DOK6: variants seen among roughly 807,000 people sequenced by gnomAD.
DOK6 encodes downstream of tyrosine kinase 6.
A neutral mutation model predicts 44.0 loss-of-function variants in DOK6; 22 were observed. That is an observed-to-expected ratio of 0.50 (90% confidence interval 0.36 to 0.71). The LOEUF (loss-of-function observed/expected upper bound fraction) is 0.71, where lower values mean the gene tolerates loss of function less well. DOK6 is among the 30% of genes least tolerant of loss of function. DOK6 has a pLI of 0.00. For synonymous variants in DOK6, 166 were observed against 145.5 expected, an observed-to-expected ratio of 1.14 and a Z score of -1.01; for missense variants, 340 against 416.4, an observed-to-expected ratio of 0.82 and a Z score of 1.60.
intron 1 of DOK6, among the ~76,000 whole-genome samples, chr18:69,419,591 G>A (rs1978428302): frequency 6.6e-6 from 1 of 152,146 alleles, no homozygotes; most frequent in Admixed American, 6.6e-5. Context: ...GTTAGAATCT[G>A]TAATGTATCT....
intron 7 of DOK6, among the ~76,000 whole-genome samples, chr18:69,761,604 T>C (rs1275741698): frequency 6.6e-6 from 1 of 152,124 alleles, no homozygotes; most frequent in Non-Finnish European, 1.5e-5. Flanking sequence ...CTTGGCTCCT[T>C]GCTACCCGTC....
intron 5 of DOK6, among the ~76,000 whole-genome samples, chr18:69,707,322 T>A (rs1455200486): frequency 6.6e-6 from 1 of 152,158 alleles, no homozygotes; most frequent in African/African-American, 2.4e-5. Flanking sequence ...CTTCACAGAA[T>A]TGGAAAAAAC....
rs147024777 is a variant in DOK6, at chr18:69,522,208, C to CCA, written c.67-42265_67-42264dup. ...CAGTATATTGTTGGTTCAAAACAAACCACACACACACACACCCACACACAT... is the reference window on the plus strand; with the variant it reads ...CAGTATATTGTTGGTTCAAAACAAACCACACACACACACACACCCACACACAT... On this transcript the variant is annotated intron_variant, in intron 1 of 7. Transcript: ENST00000382713. Among the ~76,000 whole-genome samples, 56 of 150,530 alleles carry CCA rather than the reference C, an allele frequency of 3.7e-4. 1 individual carries two copies. The highest frequency in any genetic ancestry group is 2.6e-3 in the Admixed American group (39 of 15,052).
At chr18:69,513,954 C>T (rs1313423635) in intron 1 of DOK6, among the ~76,000 whole-genome samples, 1 of 151,994 alleles carries the variant, frequency 6.6e-6, no homozygotes, top group Non-Finnish European at 1.5e-5. Context: ...GTTTAAAATA[C>T]ATATTACCTC....
At chr18:69,578,432 AT>A (rs576333308) in intron 2 of DOK6, among the ~76,000 whole-genome samples, 85 of 152,322 alleles carry the variant, frequency 5.6e-4, no homozygotes, top group African/African-American at 1.9e-3. Context: ...AATAATTCAT[AT>A]CAACTTTAGA....
At chr18:69,485,881 ATGTGTG>A (rs3044887) in intron 1 of DOK6, among the ~76,000 whole-genome samples, 12 of 147,224 alleles carry the variant, frequency 8.2e-5, no homozygotes, top group South Asian at 2.2e-4. Context: ...ATACGTATAT[ATGTGTG>A]TGTGTGTGTG....
chr18:69,746,083 T>C (rs1320603622), intron 6 of DOK6, among the ~76,000 whole-genome samples: 1 of 152,056 alleles, frequency 6.6e-6, no homozygotes, highest in Non-Finnish European at 1.5e-5. Flanking sequence ...TACTTACAAA[T>C]AGATAAACAG....
At chr18:69,654,067 T>G (rs1316938967) in intron 3 of DOK6, among the ~76,000 whole-genome samples, 1 of 151,950 alleles carries the variant, frequency 6.6e-6, no homozygotes, top group Non-Finnish European at 1.5e-5. Flanking sequence ...ATCCTACAAA[T>G]GAAAGTAAAA....
chr18:69,409,421 G>A (rs1480149765), intron 1 of DOK6, among the ~76,000 whole-genome samples: 2 of 152,134 alleles, frequency 1.3e-5, no homozygotes, highest in Non-Finnish European at 2.9e-5. Context: ...GCATGTTTAT[G>A]TGTGTATGTA....
intron 1 of DOK6, among the ~76,000 whole-genome samples, chr18:69,509,106 G>T (rs1167025033): frequency 1.3e-5 from 2 of 152,082 alleles, no homozygotes; most frequent in Admixed American, 1.3e-4. Flanking sequence ...CATCACCAGT[G>T]GTAAGACACA....
At chr18:69,430,666 C>T (rs534269575) in intron 1 of DOK6, among the ~76,000 whole-genome samples, 4 of 152,000 alleles carry the variant, frequency 2.6e-5, no homozygotes, top group African/African-American at 7.2e-5. Flanking sequence ...ATTTTTTTCC[C>T]GCTTGAAAAT....
intron 1 of DOK6, among the ~76,000 whole-genome samples, chr18:69,477,563 C>G (rs1332893763): frequency 6.6e-6 from 1 of 152,056 alleles, no homozygotes; most frequent in Non-Finnish European, 1.5e-5. Flanking sequence ...TGCAAACAAA[C>G]AGTATTTATT....
intron 3 of DOK6, among the ~76,000 whole-genome samples, chr18:69,619,203 A>G (rs1214037538): frequency 6.6e-6 from 1 of 152,202 alleles, no homozygotes; most frequent in Non-Finnish European, 1.5e-5. Flanking sequence ...ATACTCATGC[A>G]TTTTCACGGC....
At chr18:69,574,954 T>C (rs777175249) in intron 2 of DOK6, among the ~76,000 whole-genome samples, 2 of 151,814 alleles carry the variant, frequency 1.3e-5, no homozygotes, top group East Asian at 1.9e-4. Context: ...AAGGAGGAGA[T>C]AGATTTAGGT....
chr18:69,463,641 T>TG (rs1555704026), intron 1 of DOK6, among the ~76,000 whole-genome samples: 1 of 151,524 alleles, frequency 6.6e-6, no homozygotes, highest in Admixed American at 6.6e-5. Context: ...TTGACCTTTG[T>TG]TGTGTGTGTA....
At chr18:69,612,138 G>A (rs563068663) in intron 3 of DOK6, among the ~76,000 whole-genome samples, 1 of 151,612 alleles carries the variant, frequency 6.6e-6, no homozygotes, top group African/African-American at 2.4e-5. Context: ...GTCTACAATC[G>A]TCTCAGTAAA....
chr18:69,750,817 A>G (rs746816767), intron 6 of DOK6, among the ~76,000 whole-genome samples: 30 of 152,264 alleles, frequency 2.0e-4, no homozygotes, highest in Non-Finnish European at 3.7e-4. Flanking sequence ...AAGTTTATGG[A>G]ATCAGCATAA....
At chr18:69,566,637 A>G (rs1982990843) in intron 2 of DOK6, among the ~76,000 whole-genome samples, 1 of 152,206 alleles carries the variant, frequency 6.6e-6, no homozygotes, top group South Asian at 2.1e-4. Context: ...TTGGGAATTC[A>G]AAGATGTGTG....
chr18:69,526,422 G>T (rs568091618), intron 1 of DOK6, among the ~76,000 whole-genome samples: 6 of 152,084 alleles, frequency 3.9e-5, no homozygotes, highest in African/African-American at 1.4e-4. Flanking sequence ...TATCAGTATT[G>T]CATTTCATTA....
Sources: allele counts gnomAD v4.1 joint callset (sites outside exome capture counted in the v4.1 genomes callset), GRCh38; gene constraint gnomAD v4.1.1; transcripts MANE v1.5; gene names NCBI Gene and HGNC (gene_info 2026-07-23, HGNC 2026-07-21).